The following CREB5 variants were observed in gnomAD, a reference collection of about 807,000 sequenced individuals.
CREB5 encodes the protein cAMP responsive element binding protein 5.
CREB5 carries 19 observed loss-of-function variants against 57.1 expected under a neutral mutation model. The observed-to-expected ratio is 0.33, with a 90% CI of 0.23 to 0.49. The LOEUF is 0.49. CREB5 is among the 20% of genes least tolerant of loss of function. The pLI, the probability that CREB5 is intolerant of heterozygous loss-of-function variation, is 0.99. For synonymous variants in CREB5, 238 were observed against 238.3 expected (o/e 1.00, Z 0.01); for missense variants, 579 against 671.6 (o/e 0.86, Z 1.52).
chr7:28,563,343 A>G (rs1483458315), intron 4 of CREB5, among the ~76,000 whole-genome samples: 1 of 152,172 alleles, frequency 6.6e-6, no homozygotes, highest in East Asian at 1.9e-4. Flanking sequence ...TTCGATGATT[A>G]TCTCCATTTT....
At chr7:28,383,178 G>A (rs981427702) in intron 1 of CREB5, among the ~76,000 whole-genome samples, 4 of 152,152 alleles carry the variant, frequency 2.6e-5, no homozygotes, top group South Asian at 2.1e-4. Flanking sequence ...TGGTGGATTC[G>A]TGTTAGGCAT....
chr7:28,348,233 A>G (rs1408990807), intron 1 of CREB5, among the ~76,000 whole-genome samples: 1 of 152,180 alleles, frequency 6.6e-6, no homozygotes, highest in Non-Finnish European at 1.5e-5. Flanking sequence ...CTCAGGGAGA[A>G]CAACGTGGGC....
At position 28,819,464 on chromosome 7, in the gene CREB5, TTA is replaced by T. The variant is rs1809639094; in HGVS notation, c.*187_*188del. ...CTTAGTTATATAAGAAAAAAGGGAG[TTA>T]TGCAATTAATATCTATCAGCTTGGG... On this transcript the variant is annotated 3_prime_UTR_variant, in exon 11 of 11. Transcript: ENST00000357727. 3.4e-6 allele frequency: 2 copies of T among 583,436 alleles called. No individual in the cohort carries two copies. The highest frequency in any genetic ancestry group is 5.7e-6 in the Non-Finnish European group (2 of 353,608). The allele number at this position is 583,436 out of a possible 1,614,324, so 36.1% of individuals were successfully genotyped here. A position where few individuals can be genotyped will look rare whatever the true frequency, so the allele number is the denominator to read the frequency against.
chr7:28,825,527 G>C lies in CREB5; in HGVS notation c.*6248G>C, dbSNP rs1052080152. 6.6e-6 allele frequency: 1 copy of C among 152,598 alleles called. No individual in the cohort carries two copies. Among genetic ancestry groups the C allele is most frequent in the Non-Finnish European group, 1.5e-5 (1 of 68,026 alleles). The allele number at this position is 152,598 out of a possible 1,614,324, so 9.5% of individuals were successfully genotyped here. A position where few individuals can be genotyped will look rare whatever the true frequency, so the allele number is the denominator to read the frequency against. ...ACTGTGTAAAGTAAGTGTTAACTGA[G>C]GAAGTCCCAAAAAGGTGCTGTCACT... On this transcript the variant is annotated 3_prime_UTR_variant, in exon 11 of 11. Coordinates refer to ENST00000357727, the MANE Select transcript of CREB5 (RefSeq NM_182898.4).
At position 28,597,800 on chromosome 7, in the gene CREB5, G is replaced by A. The variant is rs1796743722; in HGVS notation, c.464+27263G>A. Among the ~76,000 whole-genome samples, 4 of 152,068 alleles carry A rather than the reference G, an allele frequency of 2.6e-5. No homozygotes were observed. In the South Asian group the frequency reaches 6.2e-4, roughly 24 times the overall value. Reference sequence around the variant, plus strand: ...TCCCTCTCGAAGTGGGGACCAGGATGGTCTCCAAAGCATGGGAGAACAAAA... The same window carrying A: ...TCCCTCTCGAAGTGGGGACCAGGATAGTCTCCAAAGCATGGGAGAACAAAA... On this transcript the variant is annotated intron_variant, in intron 5 of 10. Transcript: ENST00000357727.
chr7:28,458,528 T>C (rs939971699), intron 1 of CREB5, among the ~76,000 whole-genome samples: 2 of 152,194 alleles, frequency 1.3e-5, no homozygotes, highest in African/African-American at 4.8e-5. Context: ...TTACTGAACA[T>C]TGAAGTTATG....
intron 1 of CREB5, among the ~76,000 whole-genome samples, chr7:28,330,492 C>T (rs1399020466): frequency 7.0e-6 from 1 of 142,762 alleles, no homozygotes; most frequent in Non-Finnish European, 1.5e-5. Flanking sequence ...TGCAGGTAGA[C>T]CAGACTGGAA....
intron 1 of CREB5, among the ~76,000 whole-genome samples, chr7:28,366,983 C>T (rs888529326): frequency 1.5e-4 from 23 of 152,114 alleles, no homozygotes; most frequent in African/African-American, 5.6e-4. Flanking sequence ...GGAGAGAGTA[C>T]ATAAGAAGTT....
intron 1 of CREB5, among the ~76,000 whole-genome samples, chr7:28,454,112 C>G (rs1323531912): frequency 1.3e-5 from 2 of 152,074 alleles, no homozygotes; most frequent in Non-Finnish European, 2.9e-5. Context: ...CGCCACCACA[C>G]CTGGCTAATT....
At chr7:28,385,992 C>T (rs576218862) in intron 1 of CREB5, among the ~76,000 whole-genome samples, 17 of 152,286 alleles carry the variant, frequency 1.1e-4, no homozygotes, top group African/African-American at 4.1e-4. Context: ...ACTTATGTAT[C>T]TGCCAGTCTA....
chr7:28,817,614 A>G (rs1209810041), intron 9 of CREB5, among the ~76,000 whole-genome samples: 1 of 152,220 alleles, frequency 6.6e-6, no homozygotes, highest in Admixed American at 6.5e-5. Context: ...AGTTAAATGT[A>G]TTAAGTCCTT....
chr7:28,696,748 C>T (rs56731879), intron 5 of CREB5, among the ~76,000 whole-genome samples: 26,343 of 147,014 alleles, frequency 0.18, 2,610 homozygotes, highest in Admixed American at 0.24. Context: ...TACACATATA[C>T]ACACACTACA....
At chr7:28,535,615 G>A (rs1227437811) in intron 4 of CREB5, among the ~76,000 whole-genome samples, 1 of 151,826 alleles carries the variant, frequency 6.6e-6, no homozygotes, top group Non-Finnish European at 1.5e-5. Context: ...ATTTGTATAG[G>A]AGAGAAAGAG....
At chr7:28,339,952 G>A (rs1256464237) in intron 1 of CREB5, among the ~76,000 whole-genome samples, 4 of 152,118 alleles carry the variant, frequency 2.6e-5, no homozygotes, top group East Asian at 3.9e-4. Flanking sequence ...TCATGCTACC[G>A]CCAATGTTCA....
At chr7:28,611,927 CAAAG>C (rs1449247136) in intron 5 of CREB5, among the ~76,000 whole-genome samples, 2 of 151,752 alleles carry the variant, frequency 1.3e-5, no homozygotes, top group Non-Finnish European at 2.9e-5. Flanking sequence ...CCTAAAGCAA[CAAAG>C]AAAAGAAAAG....
intron 5 of CREB5, among the ~76,000 whole-genome samples, chr7:28,577,889 T>C (rs1057067529): frequency 2.0e-5 from 3 of 152,232 alleles, no homozygotes; most frequent in African/African-American, 7.2e-5. Context: ...AGTAATCTTA[T>C]CAGGAAATTG....
At chr7:28,605,858 G>T (rs938678961) in intron 5 of CREB5, among the ~76,000 whole-genome samples, 1 of 152,196 alleles carries the variant, frequency 6.6e-6, no homozygotes, top group Non-Finnish European at 1.5e-5. Context: ...AGGCAGATCA[G>T]TTGAGCCTGG....
intron 7 of CREB5, among the ~76,000 whole-genome samples, chr7:28,769,350 T>C (rs921870585): frequency 8.5e-5 from 13 of 152,308 alleles, no homozygotes; most frequent in African/African-American, 2.9e-4. Flanking sequence ...AGATTTTGAA[T>C]GTTAACACAA....
chr7:28,560,957 T>TGTGTGCGCGTGTGCGTGCGC (rs1562798107), intron 4 of CREB5, among the ~76,000 whole-genome samples: 2 of 43,436 alleles, frequency 4.6e-5, no homozygotes, highest in Non-Finnish European at 8.8e-5. Flanking sequence ...TGTGCGTGTG[T>TGTGTGCGCGTGTGCGTGCGC]GTGCGTGTGT....
Sources: allele counts gnomAD v4.1 joint callset (sites outside exome capture counted in the v4.1 genomes callset), GRCh38; gene constraint gnomAD v4.1.1; transcripts MANE v1.5; gene names NCBI Gene and HGNC (gene_info 2026-07-23, HGNC 2026-07-21).